Variants in NEO1 observed in about 807,000 individuals in gnomAD.
NEO1 encodes the protein neogenin.
In NEO1, 63 loss-of-function variants were observed where a neutral mutation model predicts 159.7. That is an observed-to-expected ratio of 0.39 (90% CI 0.32 to 0.49). The LOEUF is 0.49. Among genes scored for constraint, NEO1 ranks in the 20% least tolerant of loss-of-function variants. The pLI is 0.85. For missense variants in NEO1, 1,615 were observed against 1,831.0 expected (o/e 0.88, Z 2.15); for synonymous variants, 633 against 662.0 (o/e 0.96, Z 0.67).
chr15:73,164,054 GTC>G (rs1443127237), intron 5 of NEO1, among the ~76,000 whole-genome samples: 11 of 147,278 alleles, frequency 7.5e-5, no homozygotes, highest in Non-Finnish European at 8.9e-5. Context: ...TTGAGACAGA[GTC>G]TCACTCTGTC....
At chr15:73,286,079 C>G (rs2041934560) in intron 23 of NEO1, among the ~76,000 whole-genome samples, 1 of 142,512 alleles carries the variant, frequency 7.0e-6, no homozygotes, top group Non-Finnish European at 1.5e-5. Context: ...ACCCCCACCC[C>G]CACCCCCTGT....
chr15:73,301,196 G>A, intron 27 of NEO1, 125 bp from the exon 28 acceptor site: 1 of 1,231,968 alleles, frequency 8.1e-7, no homozygotes, highest in Non-Finnish European at 1.1e-6. Flanking sequence ...ACTTTTCAGA[G>A]CAGTATCCCT....
At chr15:73,238,162 G>GCAAACCAGA (rs2039288988) in intron 8 of NEO1, among the ~76,000 whole-genome samples, 1 of 152,022 alleles carries the variant, frequency 6.6e-6, no homozygotes, top group Middle Eastern at 3.4e-3. Context: ...GACAAATGCT[G>GCAAACCAGA]CAAACCAGAG....
At chr15:73,249,351 T>C (rs988539933) in intron 10 of NEO1, 143 bp downstream of exon 10, 3 of 1,071,138 alleles carry the variant, frequency 2.8e-6, no homozygotes, top group African/African-American at 1.6e-5. Flanking sequence ...TCTATTTCTT[T>C]GTACCAAGAT....
chr15:73,138,827 T>G (rs1483204221), intron 5 of NEO1, among the ~76,000 whole-genome samples: 1 of 152,062 alleles, frequency 6.6e-6, no homozygotes, highest in Non-Finnish European at 1.5e-5. Context: ...ATTCTTTGAC[T>G]ATCCTTCTAT....
intron 1 of NEO1, among the ~76,000 whole-genome samples, chr15:73,112,927 A>G (rs552678971): frequency 6.6e-6 from 1 of 152,246 alleles, no homozygotes; most frequent in South Asian, 2.1e-4. Flanking sequence ...CATATGGATA[A>G]CCAGTTGTCC....
At chr15:73,206,840 TG>T in intron 7 of NEO1, among the ~76,000 whole-genome samples, 1 of 7,444 alleles carries the variant, frequency 1.3e-4, no homozygotes, top group Non-Finnish European at 1.8e-3. Context: ...TGTGTATGTG[TG>T]TGTGTGCGTG....
chr15:73,293,354 A>G lies in NEO1; in HGVS notation c.3743-36A>G, dbSNP rs775518859. 1.6e-5 allele frequency: 25 copies of G among 1,611,580 alleles called. No homozygotes were observed. The South Asian group carries it at 2.7e-4, about 18-fold the overall frequency. The stretch of plus-strand genomic sequence containing the variant: ...GTGATTTGTGTGTGTTTGTGCAAGC[A>G]TGTTAAGCATTTCTCTGTCTTGTGT... On this transcript the variant is annotated intron_variant, in intron 25 of 28. Transcript: ENST00000261908.
At chr15:73,252,835 C>A (rs2040146784) in intron 11 of NEO1, among the ~76,000 whole-genome samples, 1 of 151,998 alleles carries the variant, frequency 6.6e-6, no homozygotes, top group Non-Finnish European at 1.5e-5. Context: ...ACTAAAAATA[C>A]AAAAATTAGC....
At chr15:73,134,585 C>T (rs2031529660) in intron 4 of NEO1, among the ~76,000 whole-genome samples, 1 of 148,966 alleles carries the variant, frequency 6.7e-6, no homozygotes, top group Admixed American at 6.7e-5. Flanking sequence ...GAGTCTTGCT[C>T]TGTTGCCCAA....
chr15:73,257,132 C>CAAAAA (rs10623334), intron 13 of NEO1, among the ~76,000 whole-genome samples: 1,073 of 54,628 alleles, frequency 0.02, 136 homozygotes, highest in African/African-American at 0.048. Flanking sequence ...ACTCTGTCTC[C>CAAAAA]AAAAAAAAAA....
At chr15:73,073,275 G>T (rs532926311) in intron 1 of NEO1, among the ~76,000 whole-genome samples, 3 of 152,166 alleles carry the variant, frequency 2.0e-5, no homozygotes, top group Non-Finnish European at 2.9e-5. Flanking sequence ...AGAGTCTTTT[G>T]CATTTACCTG....
In NEO1 at chr15:73,141,962, C is replaced by A. The variant is rs537396273; in HGVS notation, c.1015+5935C>A. ...CCACAGAGGAGTGATTGAGAGCAAT[C>A]TTGCCCCAGTGCGCCTGGATTCCAG... On this transcript the variant is annotated intron_variant, in intron 5 of 28. Transcript: ENST00000261908. 1.6e-4 allele frequency among the ~76,000 whole-genome samples: 24 copies of A among 152,316 alleles called. 1 individual carries two copies. The South Asian group carries it at 5.0e-3, about 32-fold the overall frequency.
Position 73,289,184 on chromosome 15 carries a change from A to G in NEO1, c.3688A>G (p.Arg1230Gly). ...GGACAGCATGTCTACACTGGCTGGA[A>G]GGCGAGGAATGAGACCAAAAATGAT... ...SEDSMSTLAG[R>G]RGMRPKMMMP... is the part of the protein sequence containing the mutation. Residue 1230 changes from arginine (R) to glycine (G), a missense_variant, in exon 25 of 29, where the codon AGG becomes GGG. By Grantham distance (125) the Arg-to-Gly change is moderately radical. Coordinates refer to ENST00000261908, the MANE Select transcript of NEO1 (RefSeq NM_002499.4). 6.2e-7 allele frequency: 1 copy of G among 1,614,116 alleles called. No individual in the cohort carries two copies. The highest frequency in any genetic ancestry group is 1.6e-4 in the Middle Eastern group (1 of 6,062).
At chr15:73,280,120 G>T (rs2151081642) in intron 22 of NEO1, among the ~76,000 whole-genome samples, 1 of 152,168 alleles carries the variant, frequency 6.6e-6, no homozygotes, top group East Asian at 1.9e-4. Flanking sequence ...CAGGCAAGAG[G>T]GGTTAGGGAG....
chr15:73,117,541 T>C (rs2071394362), intron 2 of NEO1, among the ~76,000 whole-genome samples: 1 of 152,222 alleles, frequency 6.6e-6, no homozygotes, highest in Non-Finnish European at 1.5e-5. Flanking sequence ...GGTCATGTTA[T>C]ACAAAAATGT....
At chr15:73,188,435 A>C (rs926513145) in intron 7 of NEO1, among the ~76,000 whole-genome samples, 1 of 152,172 alleles carries the variant, frequency 6.6e-6, no homozygotes, top group Non-Finnish European at 1.5e-5. Flanking sequence ...ATATCATTAC[A>C]GGGGTTCAAA....
chr15:73,228,448 A>T (rs1452810177), intron 7 of NEO1, among the ~76,000 whole-genome samples: 1 of 143,994 alleles, frequency 6.9e-6, no homozygotes, highest in African/African-American at 2.6e-5. Flanking sequence ...AGAGTTCATT[A>T]TGTATTTTGG....
intron 14 of NEO1, among the ~76,000 whole-genome samples, chr15:73,259,696 GA>G (rs2040531497): frequency 6.6e-6 from 1 of 152,110 alleles, no homozygotes; most frequent in African/African-American, 2.4e-5. Flanking sequence ...CTTATGCCCT[GA>G]AAACAGTGTA....
Sources: gnomAD v4.1 joint callset for allele counts (sites outside exome capture counted in the v4.1 genomes callset) on GRCh38, gnomAD v4.1.1 for gene constraint, MANE v1.5 for transcripts, NCBI Gene and HGNC (gene_info 2026-07-23, HGNC 2026-07-21) for gene names.